Variants in ATP6V0A1 observed in about 807,000 individuals in gnomAD.
ATP6V0A1 encodes the protein V-type proton ATPase 116 kDa subunit a 1.
In ATP6V0A1, 43 loss-of-function variants were observed where a neutral mutation model predicts 105.4. The ratio of observed to expected loss-of-function variants is 0.41; its 90% CI spans 0.32 to 0.53. The LOEUF (loss-of-function observed/expected upper bound fraction) is 0.53. Among genes scored for constraint, ATP6V0A1 ranks in the 20% least tolerant of loss-of-function variants. ATP6V0A1 has a pLI of 0.30. For missense variants in ATP6V0A1, 676 were observed against 1,051.1 expected, an observed-to-expected ratio of 0.64 and a Z score of 4.93; for synonymous variants, 362 against 372.8, an observed-to-expected ratio of 0.97 and a Z score of 0.33.
At chr17:42,519,178 C>T (rs563750970) in intron 21 of ATP6V0A1, 2 of 152,422 alleles carry the variant, frequency 1.3e-5, no homozygotes, top group Admixed American at 1.3e-4. Flanking sequence ...GCATATATCC[C>T]TCTTCCTCCT....
chr17:42,497,300 CAA>C (rs1220778376), intron 14 of ATP6V0A1, among the ~76,000 whole-genome samples: 62 of 57,520 alleles, frequency 1.1e-3, no homozygotes, highest in African/African-American at 1.9e-3. Flanking sequence ...GACCCTGTCT[CAA>C]AAAAAAAAAA....
chr17:42,465,714 A>G (rs964231981), intron 2 of ATP6V0A1, among the ~76,000 whole-genome samples: 1 of 151,694 alleles, frequency 6.6e-6, no homozygotes, highest in East Asian at 2.0e-4. Flanking sequence ...CTGCAATCCC[A>G]GCACTTTGGG....
chr17:42,468,228 A>G (rs942804802), intron 4 of ATP6V0A1, 121 bp downstream of exon 4: 50 of 548,546 alleles, frequency 9.1e-5, no homozygotes, highest in African/African-American at 9.0e-4. Flanking sequence ...TACTGATTGT[A>G]AGTTTCTTGT....
intron 21 of ATP6V0A1, chr17:42,518,934 A>C: frequency 6.6e-6 from 1 of 152,176 alleles, no homozygotes; most frequent in Non-Finnish European, 1.5e-5. Flanking sequence ...GTTCAGCGGG[A>C]GAGAGTGGGG....
At chr17:42,465,289 C>T (rs953046056) in intron 2 of ATP6V0A1, among the ~76,000 whole-genome samples, 2 of 150,634 alleles carry the variant, frequency 1.3e-5, no homozygotes, top group Non-Finnish European at 1.5e-5. Flanking sequence ...CCACCGCATC[C>T]GGCCTATTTA....
At chr17:42,515,543 T>C (rs541589727) in intron 21 of ATP6V0A1, among the ~76,000 whole-genome samples, 64 of 151,008 alleles carry the variant, frequency 4.2e-4, no homozygotes, top group Middle Eastern at 7.1e-3. Context: ...CCCAGCACTT[T>C]GGGAGGCCGA....
intron 21 of ATP6V0A1, 167 bp from the exon 22 acceptor site, chr17:42,520,860 A>G: frequency 3.1e-6 from 2 of 652,278 alleles, no homozygotes; most frequent in Non-Finnish European, 5.5e-6. Flanking sequence ...TCTTGATCCC[A>G]GGCCTTAAAA....
chr17:42,478,233 GA>G (rs1450571012), intron 6 of ATP6V0A1, among the ~76,000 whole-genome samples: 1 of 114,330 alleles, frequency 8.7e-6, no homozygotes, highest in Non-Finnish European at 1.7e-5. Flanking sequence ...AGGGGGGAGG[GA>G]GAGCATTAGG....
rs141798940 is a variant in ATP6V0A1, at chr17:42,485,939, C to T, written c.811-1216C>T. Among the ~76,000 whole-genome samples the T allele has an allele frequency of 6.4e-4, 97 of 152,232 alleles. No homozygotes were observed. In the Middle Eastern group the frequency reaches 0.01, roughly 16 times the overall value. ...CATGACATGGCTTTGCTTTTAAAAA[C>T]AAAGCAAAACAAAACAAAGGAAGTC... On this transcript the variant is annotated intron_variant, in intron 9 of 21. Transcript: ENST00000343619.
At chr17:42,520,419 G>A in intron 21 of ATP6V0A1, 1 of 456,444 alleles carries the variant, frequency 2.2e-6, no homozygotes, top group Non-Finnish European at 4.4e-6. Flanking sequence ...AGGGAGCTCA[G>A]GCTTTTTCTT....
intron 20 of ATP6V0A1, 147 bp from the exon 21 acceptor site, chr17:42,514,142 C>A: frequency 7.9e-7 from 1 of 1,272,384 alleles, no homozygotes; most frequent in Non-Finnish European, 1.1e-6. Flanking sequence ...GCACTTGTGC[C>A]AGGTTAGCTC....
chr17:42,461,755 G>A (rs1473364013), intron 2 of ATP6V0A1, among the ~76,000 whole-genome samples: 1 of 152,176 alleles, frequency 6.6e-6, no homozygotes, highest in Non-Finnish European at 1.5e-5. Context: ...GGGCGACAGA[G>A]CAAGACTCCG....
At chr17:42,496,252 C>T (rs909067973) in intron 14 of ATP6V0A1, 1 of 152,114 alleles carries the variant, frequency 6.6e-6, no homozygotes. Context: ...TTAATAATAT[C>T]GACTCTGGGA....
intron 9 of ATP6V0A1, among the ~76,000 whole-genome samples, chr17:42,485,762 G>T (rs2090047362): frequency 6.6e-6 from 1 of 152,058 alleles, no homozygotes; most frequent in South Asian, 2.1e-4. Flanking sequence ...TCACTATGTT[G>T]CCCAAACTGG....
At chr17:42,493,204 G>C (rs1395624377) in intron 11 of ATP6V0A1, among the ~76,000 whole-genome samples, 1 of 152,162 alleles carries the variant, frequency 6.6e-6, no homozygotes, top group Non-Finnish European at 1.5e-5. Flanking sequence ...AATGTAGCAA[G>C]TATTGGCCAC....
chr17:42,473,399 A>G (rs956090462), intron 5 of ATP6V0A1, among the ~76,000 whole-genome samples: 3 of 152,358 alleles, frequency 2.0e-5, no homozygotes, highest in Admixed American at 6.5e-5. Flanking sequence ...GAGACACAAG[A>G]TGAGTAAGAC....
At chr17:42,480,937 C>T (rs2089417537) in intron 8 of ATP6V0A1, 188 bp downstream of exon 8, 1 of 483,886 alleles carries the variant, frequency 2.1e-6, no homozygotes, top group East Asian at 4.3e-5. Context: ...TTTTGTTGTT[C>T]AGATGGGGGG....
intron 17 of ATP6V0A1, 53 bp downstream of exon 17, chr17:42,501,357 C>G: frequency 5.5e-6 from 7 of 1,273,656 alleles, no homozygotes; most frequent in Non-Finnish European, 6.8e-6. Context: ...TGTTCAAGAT[C>G]AAGGCAATTC....
intron 6 of ATP6V0A1, among the ~76,000 whole-genome samples, chr17:42,477,981 A>G (rs1038222521): frequency 6.6e-6 from 1 of 152,088 alleles, no homozygotes; most frequent in Admixed American, 6.6e-5. Flanking sequence ...TCAATGATAG[A>G]CTGGATTAAG....
Sources: gnomAD v4.1 joint callset for allele counts (sites outside exome capture counted in the v4.1 genomes callset) on GRCh38, gnomAD v4.1.1 for gene constraint, MANE v1.5 for transcripts, NCBI Gene and HGNC (gene_info 2026-07-23, HGNC 2026-07-21) for gene names.